The following SCN9A variants were observed in gnomAD, a reference collection of about 807,000 sequenced individuals.
SCN9A encodes the protein sodium channel protein type 9 subunit alpha.
A neutral mutation model predicts 187.0 loss-of-function variants in SCN9A; 131 were observed. The ratio of observed to expected loss-of-function variants is 0.70; its 90% CI spans 0.61 to 0.81. SCN9A has a LOEUF of 0.81. Among genes scored for constraint, SCN9A ranks in the 30% least tolerant of loss-of-function variants. The probability of loss-of-function intolerance (pLI) is 0.00; values close to 1 mark genes in which losing one functional copy is unlikely to be tolerated. For missense variants in SCN9A, 2,252 were observed against 2,396.6 expected (o/e 0.94, Z 1.26); for synonymous variants, 809 against 808.6 (o/e 1.00, Z -0.01).
At chr2:166,341,723 A>G (rs1559051814) in intron 1 of SCN9A, among the ~76,000 whole-genome samples, 1 of 152,320 alleles carries the variant, frequency 6.6e-6, no homozygotes, top group East Asian at 1.9e-4. Context: ...AGTTGCTATT[A>G]TATTACTTTT....
chr2:166,363,290 T>C (rs1465745273), intron 1 of SCN9A, among the ~76,000 whole-genome samples: 1 of 152,082 alleles, frequency 6.6e-6, no homozygotes, highest in African/African-American at 2.4e-5. Context: ...TCTTACTCAT[T>C]AATTCAATTT....
chr2:166,234,408 T>G (rs73019643), intron 20 of SCN9A, among the ~76,000 whole-genome samples: 7,329 of 152,250 alleles, frequency 0.048, 616 homozygotes, highest in African/African-American at 0.17. Context: ...AGAGATTCAA[T>G]TTTTCGAGGG....
chr2:166,263,891 C>T (rs1696619850), intron 17 of SCN9A, among the ~76,000 whole-genome samples: 1 of 152,008 alleles, frequency 6.6e-6, no homozygotes, highest in African/African-American at 2.4e-5. Flanking sequence ...AGCAGCAAGG[C>T]AGGATACTTA....
intron 17 of SCN9A, among the ~76,000 whole-genome samples, chr2:166,259,783 TAAGA>T (rs1165210512): frequency 6.6e-6 from 1 of 151,814 alleles, no homozygotes; most frequent in Non-Finnish European, 1.5e-5. Context: ...ATATAAAGAA[TAAGA>T]CACATTGATT....
chr2:166,267,891 G>A (rs978317773), intron 17 of SCN9A, among the ~76,000 whole-genome samples: 3 of 151,884 alleles, frequency 2.0e-5, no homozygotes, highest in Non-Finnish European at 2.9e-5. Flanking sequence ...TGCTGCAAAC[G>A]TTGTTAATGA....
Position 166,284,740 on chromosome 2 carries a change from C to T in SCN9A, c.1687G>A (p.Asp563Asn). 6.2e-7 allele frequency: 1 copy of T among 1,613,962 alleles called. No individual in the cohort carries two copies. The highest frequency in any genetic ancestry group is 8.5e-7 in the Non-Finnish European group (1 of 1,179,890). The change falls in exon 12 of 27, where the codon GAT becomes AAT. Residue 563 changes from aspartate (D) to asparagine (N), a missense_variant. This residue lies in a region of SCN9A where 1,013 missense variants were observed against 997.4 expected (regional missense o/e 1.02). Transcript: ENST00000642356. ...GCAAATTCAGTCTCAGATCCTATAT[C>T]TCTTCCTCTGCCTTTGAAACTAAAA... is the stretch of plus-strand genomic sequence containing the variant. The part of the protein sequence containing the change: ...SLFSFKGRGR[D>N]IGSETEFADD...
intron 1 of SCN9A, among the ~76,000 whole-genome samples, chr2:166,329,192 G>C (rs890006013): frequency 6.6e-6 from 1 of 152,040 alleles, no homozygotes; most frequent in Non-Finnish European, 1.5e-5. Flanking sequence ...TTAACAGAAT[G>C]TAGTTTGGAA....
At chr2:166,342,503 G>GT (rs1178718810) in intron 1 of SCN9A, among the ~76,000 whole-genome samples, 1 of 152,072 alleles carries the variant, frequency 6.6e-6, no homozygotes, top group African/African-American at 2.4e-5. Flanking sequence ...GGCTTAAACT[G>GT]TTTTTTAAAG....
rs74445522 is a variant in SCN9A, at chr2:166,366,483, C to T, written c.-51+9214G>A. ...ATTGTGAATAATGCTGCAGTAAACA[C>T]AGAAGTGCATATATCTCTTTGAGAT... On this transcript the variant is annotated intron_variant, in intron 1 of 26. Coordinates refer to ENST00000642356, the MANE Select transcript of SCN9A (RefSeq NM_001365536.1). 2.9e-3 allele frequency among the ~76,000 whole-genome samples: 445 copies of T among 152,242 alleles called. 2 individuals carry two copies. Among genetic ancestry groups the T allele is most frequent in the African/African-American group, 9.9e-3 (410 of 41,546 alleles).
Position 166,278,237 on chromosome 2 carries a change from C to A in SCN9A, c.2420G>T (p.Gly807Val), listed in dbSNP as rs1553488264. The A allele has an allele frequency of 3.1e-6, 5 of 1,612,540 alleles. No individual in the cohort carries two copies. The highest frequency in any genetic ancestry group is 4.2e-6 in the Non-Finnish European group (5 of 1,179,304). Residue 807 changes from glycine to valine, a missense_variant, in exon 15 of 27, where the codon GGC (glycine) becomes GTC (valine). Physicochemically the swap from Gly to Val is moderately radical, Grantham distance 109. Around this residue, in one of 7 missense-constraint regions of SCN9A, gnomAD observed 1,013 missense variants for 997.4 expected, o/e 1.02. Coordinates refer to ENST00000642356, the MANE Select transcript of SCN9A (RefSeq NM_001365536.1). ...AMDPYEYFQV[G>V]WNIFDSLIVT... ...AATAAGGCTGTCAAAAATATTCCAG[C>A]CTACTTGGAAATACTCATATGGATC...
At chr2:166,311,457 G>A (rs1412668350) in intron 2 of SCN9A, 42 bp downstream of exon 2, 2 of 1,414,134 alleles carry the variant, frequency 1.4e-6, no homozygotes, top group African/African-American at 1.5e-5. Context: ...TATACAGAAG[G>A]AAGCCAACAG....
In SCN9A at chr2:166,196,196, C is replaced by T. The variant is rs983648932; in HGVS notation, c.*2476G>A. 2 of 151,984 alleles carry T rather than the reference C, an allele frequency of 1.3e-5. No individual in the cohort carries two copies. Among genetic ancestry groups the T allele is most frequent in the African/African-American group, 2.4e-5 (1 of 41,376 alleles). 9.4% of individuals were successfully genotyped at this position (151,984 alleles called of 1,614,324 possible). ...GACAGTGCCTTCTGAAGGGTGAAAC[C>T]ATCAGTACAAACAGTAATCTACATG... On this transcript the variant is annotated 3_prime_UTR_variant, in exon 27 of 27. Coordinates refer to ENST00000642356, the MANE Select transcript of SCN9A (RefSeq NM_001365536.1).
At chr2:166,345,787 T>G (rs1699886585) in intron 1 of SCN9A, among the ~76,000 whole-genome samples, 1 of 152,122 alleles carries the variant, frequency 6.6e-6, no homozygotes, top group Non-Finnish European at 1.5e-5. Flanking sequence ...CCTCCCCAAA[T>G]AAAATAAACG....
intron 1 of SCN9A, among the ~76,000 whole-genome samples, chr2:166,356,251 G>A (rs533379792): frequency 1.3e-3 from 193 of 151,600 alleles, no homozygotes; most frequent in African/African-American, 4.4e-3. Flanking sequence ...GTATAACGAA[G>A]TTTCTTTAAT....
At chr2:166,261,804 G>A (rs1461892203) in intron 17 of SCN9A, among the ~76,000 whole-genome samples, 1 of 151,940 alleles carries the variant, frequency 6.6e-6, no homozygotes, top group Non-Finnish European at 1.5e-5. Context: ...TGGTGTGGCA[G>A]TAAGTGTACT....
intron 1 of SCN9A, among the ~76,000 whole-genome samples, chr2:166,370,226 A>ATCATC (rs1553507717): frequency 0.02 from 2,563 of 131,428 alleles, 39 homozygotes; most frequent in African/African-American, 0.035. Flanking sequence ...TAATAATAAT[A>ATCATC]ATAATAATAA....
At chr2:166,340,815 G>A (rs1185503335) in intron 1 of SCN9A, among the ~76,000 whole-genome samples, 3 of 151,676 alleles carry the variant, frequency 2.0e-5, no homozygotes, top group Non-Finnish European at 4.4e-5. Flanking sequence ...TAGAAATGGG[G>A]TCTTACTATG....
intron 22 of SCN9A, among the ~76,000 whole-genome samples, chr2:166,228,379 C>T (rs776573275): frequency 2.6e-5 from 4 of 151,068 alleles, no homozygotes; most frequent in Non-Finnish European, 5.9e-5. Flanking sequence ...GCCTCAGCCT[C>T]CCAAGCAGCT....
intron 7 of SCN9A, chr2:166,301,218 A>G (rs1429825845): frequency 6.7e-6 from 1 of 150,358 alleles, no homozygotes; most frequent in Non-Finnish European, 1.5e-5. Flanking sequence ...CTGTGTACAT[A>G]GAGAATTGCA....
Sources: gnomAD v4.1 joint callset for allele counts (sites outside exome capture counted in the v4.1 genomes callset) on GRCh38, gnomAD v4.1.1 for gene constraint, gnomAD v4.1.1 regional missense constraint, MANE v1.5 for transcripts, NCBI Gene and HGNC (gene_info 2026-07-23, HGNC 2026-07-21) for gene names.